The following GBP3 variants were observed in gnomAD, a reference collection of about 807,000 sequenced individuals.
The protein encoded by GBP3 is guanylate binding protein 3.
Under a neutral mutation model 62.4 loss-of-function variants are expected in GBP3, and 55 were observed. That is an observed-to-expected ratio of 0.88 (90% CI 0.71 to 1.10). GBP3 has a LOEUF of 1.10. Among genes scored for constraint, GBP3 ranks in the 50% least tolerant of loss-of-function variants. The pLI is 0.00. For synonymous variants in GBP3, 208 were observed against 259.2 expected (o/e 0.80, Z 1.90); for missense variants, 605 against 690.6 (o/e 0.88, Z 1.39).
intron 1 of GBP3, among the ~76,000 whole-genome samples, chr1:89,021,524 A>G (rs1423891842): frequency 1.4e-4 from 19 of 136,550 alleles, no homozygotes; most frequent in African/African-American, 4.5e-4. Flanking sequence ...ACACACACAC[A>G]CACACACACA....
chr1:89,010,385 G>T (rs1272668351), intron 8 of GBP3, among the ~76,000 whole-genome samples: 1 of 138,070 alleles, frequency 7.2e-6, no homozygotes, highest in African/African-American at 2.5e-5. Context: ...CTCCCAAAGT[G>T]CTGGGATTAC....
rs140187029 is a variant in GBP3 at position 89,009,495 on chromosome 1, C to A, written c.1363-1G>T. ...AGTATGTCTGCAGAATCTCTTCAGC[C>A]TTAGGACCCAGAGAACACAGAGTGA... On this transcript the variant is annotated splice_acceptor_variant, in intron 8 of 10. Transcript: ENST00000370481. LOFTEE classifies it high-confidence loss of function. 3 of 1,613,974 alleles carry A rather than the reference C, an allele frequency of 1.9e-6. No homozygotes were observed. The highest frequency in any genetic ancestry group is 2.2e-5 in the East Asian group (1 of 44,870).
chr1:89,021,419 C>A (rs754440427), intron 1 of GBP3, among the ~76,000 whole-genome samples: 4 of 151,542 alleles, frequency 2.6e-5, no homozygotes, highest in Non-Finnish European at 5.9e-5. Context: ...GCTTCATTAG[C>A]GTCATGATAA....
At chr1:89,016,856 T>C (rs1678915508) in intron 2 of GBP3, among the ~76,000 whole-genome samples, 1 of 152,196 alleles carries the variant, frequency 6.6e-6, no homozygotes, top group African/African-American at 2.4e-5. Context: ...ATTACAGGTG[T>C]GAACCACTGT....
intron 2 of GBP3, among the ~76,000 whole-genome samples, chr1:89,019,710 A>T (rs976605554): frequency 1.3e-5 from 2 of 152,238 alleles, no homozygotes; most frequent in African/African-American, 4.8e-5. Flanking sequence ...GAGTAGTCAA[A>T]TTAATAGAGA....
intron 2 of GBP3, among the ~76,000 whole-genome samples, chr1:89,017,592 G>A (rs763965361): frequency 5.3e-5 from 8 of 152,140 alleles, no homozygotes; most frequent in African/African-American, 9.7e-5. Flanking sequence ...TTGATGTCTA[G>A]CAAATATAAA....
In GBP3 at chr1:89,007,616, G is replaced by T; in HGVS notation, c.*108C>A. The T allele has an allele frequency of 2.0e-6, 2 of 1,002,888 alleles. No individual in the cohort carries two copies. Among genetic ancestry groups the T allele is most frequent in the East Asian group, 2.4e-5 (1 of 41,150 alleles). 62.1% of individuals were successfully genotyped at this position (1,002,888 alleles called of 1,614,324 possible). A position where few individuals can be genotyped will look rare whatever the true frequency, so the allele number is the denominator to read the frequency against. On this transcript the variant is annotated 3_prime_UTR_variant, in exon 11 of 11. Transcript: ENST00000370481. ...AACTGCATGTTCTTGTAAACTTTTA[G>T]TGTTATGATGCAAGATCTAATTATT...
Position 89,006,886 on chromosome 1 carries a change from C to G in GBP3, c.*838G>C, listed in dbSNP as rs1425787716. 1 of 152,130 alleles carries G rather than the reference C, an allele frequency of 6.6e-6. No individual in the cohort carries two copies. The highest frequency in any genetic ancestry group is 1.5e-5 in the Non-Finnish European group (1 of 68,026). The allele number at this position is 152,130 out of a possible 1,614,324, so 9.4% of individuals were successfully genotyped here. A position where few individuals can be genotyped will look rare whatever the true frequency, so the allele number is the denominator to read the frequency against. Reference sequence around the variant, plus strand: ...AAATTGGCAGGATTTCAAGTATGACCTTTAAGAATCAGGAAAAGACTAACT... The same window carrying G: ...AAATTGGCAGGATTTCAAGTATGACGTTTAAGAATCAGGAAAAGACTAACT... On this transcript the variant is annotated 3_prime_UTR_variant, in exon 11 of 11. Transcript: ENST00000370481.
intron 2 of GBP3, among the ~76,000 whole-genome samples, chr1:89,016,545 G>A (rs185385197): frequency 9.9e-5 from 15 of 152,162 alleles, no homozygotes; most frequent in Admixed American, 5.2e-4. Flanking sequence ...CCCAAAAAAC[G>A]TAACCATAGA....
intron 2 of GBP3, among the ~76,000 whole-genome samples, chr1:89,018,763 C>G (rs566960998): frequency 4.6e-5 from 7 of 152,196 alleles, no homozygotes; most frequent in Non-Finnish European, 1.0e-4. Flanking sequence ...TAACCTTCCC[C>G]CACCCTCACT....
chr1:89,014,747 A>G (rs1295194018), intron 3 of GBP3, 91 bp from the exon 4 acceptor site: 1 of 1,518,468 alleles, frequency 6.6e-7, no homozygotes, highest in African/African-American at 1.4e-5. Flanking sequence ...CATAAGTTAG[A>G]GTTTTCTTTT....
rs111752830 is a variant in GBP3 at position 89,009,404 on chromosome 1, T to C, written c.1453A>G (p.Lys485Glu). ...QTDQILTEKE[K>E]EIEVECVKAE... ...ACTTGCTCCTCACCTTCAATCTCCT[T>C]TTCCTTTTCTGTGAGAATCTGGTCT... Residue 485 changes from lysine (K) to glutamate (E), a missense_variant, in exon 9 of 11, where the codon AAG becomes GAG. Lys to Glu is a moderately conservative substitution (Grantham distance 56). Around this residue, in one of 3 missense-constraint regions of GBP3, gnomAD observed 160 missense variants for 147.8 expected, o/e 1.08. Transcript: ENST00000370481. 8 of 1,614,054 alleles carry C rather than the reference T, an allele frequency of 5.0e-6. No homozygotes were observed. The highest frequency in any genetic ancestry group is 8.5e-7 in the Non-Finnish European group (1 of 1,179,886).
chr1:89,007,997 T>A, intron 10 of GBP3, 145 bp from the exon 11 acceptor site: 1 of 716,690 alleles, frequency 1.4e-6, no homozygotes, highest in Non-Finnish European at 2.1e-6. Flanking sequence ...ATAGTTTTTC[T>A]GGGCATTTGG....
intron 1 of GBP3, among the ~76,000 whole-genome samples, chr1:89,021,161 T>C (rs1679168446): frequency 6.6e-6 from 1 of 152,228 alleles, no homozygotes; most frequent in Admixed American, 6.5e-5. Flanking sequence ...TTTCATTGTT[T>C]GACATATGCC....
Position 89,009,436 on chromosome 1 carries a change from A to G in GBP3, c.1421T>C (p.Leu474Pro), listed in dbSNP as rs1470461990. The G allele has an allele frequency of 1.2e-6, 2 of 1,614,148 alleles. No individual in the cohort carries two copies. Among genetic ancestry groups the G allele is most frequent in the Non-Finnish European group, 8.5e-7 (1 of 1,180,012 alleles). The part of the protein sequence containing the change: ...KSKESVTDAI[L>P]QTDQILTEKE... ...TTCTGTGAGAATCTGGTCTGTCTGT[A>G]GAATTGCATCGGTCACAGACTCCTT... Residue 474 changes from leucine to proline, a missense_variant, in exon 9 of 11, where the codon CTA (leucine) becomes CCA (proline). This residue lies in a region of GBP3 where 160 missense variants were observed against 147.8 expected (regional missense o/e 1.08). Coordinates refer to ENST00000370481, the MANE Select transcript of GBP3 (RefSeq NM_018284.3).
Position 89,009,117 on chromosome 1 carries a change from CA to C in GBP3, c.1488del (p.Ala497HisfsTer13). On this transcript the variant is annotated frameshift_variant, in exon 10 of 11. Coordinates refer to ENST00000370481, the MANE Select transcript of GBP3 (RefSeq NM_018284.3). LOFTEE classifies it high-confidence loss of function. The stretch of plus-strand genomic sequence containing the variant: ...TCCACCATTTTTGCTGAAGCCTGTG[CA>C]GATTCAGCTTTTACACATTCCACTG... Reference protein sequence around the residue: ...EIEVECVKAESAQASAKMVEE... With the variant: ...EIEVECVKAEXAQASAKMVEE... The C allele has an allele frequency of 6.2e-7, 1 of 1,614,062 alleles. No individual in the cohort carries two copies. Among genetic ancestry groups the C allele is most frequent in the Non-Finnish European group, 8.5e-7 (1 of 1,179,972 alleles).
At chr1:89,021,245 A>G (rs886744172) in intron 1 of GBP3, among the ~76,000 whole-genome samples, 2 of 152,194 alleles carry the variant, frequency 1.3e-5, no homozygotes, top group African/African-American at 4.8e-5. Context: ...ATTTCACTGT[A>G]ATGAGGATCC....
At chr1:89,014,008 T>G in intron 5 of GBP3, 75 bp downstream of exon 5, 1 of 1,453,712 alleles carries the variant, frequency 6.9e-7, no homozygotes, top group Non-Finnish European at 9.6e-7. Context: ...GTGAGAAAAC[T>G]ATCAATAGTA....
chr1:89,021,544 A>ACACACACACCCCC lies in GBP3; in HGVS notation c.-22-802_-22-801insGGGGGTGTGTGTG, dbSNP rs761151308. Among the ~76,000 whole-genome samples the ACACACACACCCCC allele has an allele frequency of 8.1e-4, 114 of 141,036 alleles. 2 individuals are homozygous for ACACACACACCCCC. Among genetic ancestry groups the ACACACACACCCCC allele is most frequent in the South Asian group, 2.4e-3 (10 of 4,194 alleles). The allele number at this position is 141,036 out of a possible 152,430, so 92.5% of individuals were successfully genotyped here. A position where few individuals can be genotyped will look rare whatever the true frequency, so the allele number is the denominator to read the frequency against. ...CACACACACACACACACACACACAC[A>ACACACACACCCCC]CCCCAAAAAAACCAAACCAAACAAA... On this transcript the variant is annotated intron_variant, in intron 1 of 10. Coordinates refer to ENST00000370481, the MANE Select transcript of GBP3 (RefSeq NM_018284.3).
Sources: allele counts gnomAD v4.1 joint callset (sites outside exome capture counted in the v4.1 genomes callset), GRCh38; gene constraint gnomAD v4.1.1; regional missense constraint gnomAD v4.1.1; transcripts MANE v1.5; gene names NCBI Gene and HGNC (gene_info 2026-07-23, HGNC 2026-07-21).